Variants in ARMC9 observed in about 807,000 individuals in gnomAD.
ARMC9 encodes lisH domain-containing protein ARMC9.
Under a neutral mutation model 107.0 loss-of-function variants are expected in ARMC9, and 94 were observed. The observed-to-expected ratio is 0.88, with a 90% CI of 0.74 to 1.04. The LOEUF is 1.04. ARMC9 is among the 50% of genes least tolerant of loss of function. The pLI is 0.00. For synonymous variants in ARMC9, 380 were observed against 396.9 expected (o/e 0.96, Z 0.51); for missense variants, 942 against 1,030.1 (o/e 0.91, Z 1.17).
chr2:231,230,874 A>G (rs9973370), intron 7 of ARMC9, among the ~76,000 whole-genome samples: 64,030 of 152,054 alleles, frequency 0.42, 16,276 homozygotes, highest in African/African-American at 0.72. Context: ...AATATTTTCA[A>G]CCTGAGGTGG....
chr2:231,274,218 A>G (rs1486825147), intron 14 of ARMC9, among the ~76,000 whole-genome samples: 1 of 152,106 alleles, frequency 6.6e-6, no homozygotes, highest in Non-Finnish European at 1.5e-5. Context: ...CCCGGGTTCA[A>G]CCAATTCTCC....
intron 14 of ARMC9, among the ~76,000 whole-genome samples, chr2:231,274,969 C>T (rs2039636794): frequency 6.6e-6 from 1 of 151,952 alleles, no homozygotes; most frequent in Non-Finnish European, 1.5e-5. Flanking sequence ...ATGTTGATCG[C>T]TTTGGGGAAG....
chr2:231,306,832 A>C (rs1196109289), intron 19 of ARMC9, among the ~76,000 whole-genome samples: 2 of 152,182 alleles, frequency 1.3e-5, no homozygotes, highest in Non-Finnish European at 2.9e-5. Flanking sequence ...GGATCTGGGC[A>C]GTGAGTCTTG....
intron 20 of ARMC9, among the ~76,000 whole-genome samples, chr2:231,335,485 C>T (rs2044024936): frequency 6.6e-6 from 1 of 152,192 alleles, no homozygotes; most frequent in African/African-American, 2.4e-5. Flanking sequence ...CTAGTCCCCA[C>T]CCTCAAAGTC....
chr2:231,323,420 T>C (rs1055706170), intron 19 of ARMC9, among the ~76,000 whole-genome samples: 2 of 152,188 alleles, frequency 1.3e-5, no homozygotes, highest in Non-Finnish European at 2.9e-5. Context: ...TCTGCTTACA[T>C]TTCCCACCGC....
chr2:231,214,241 A>G (rs1303911853), intron 3 of ARMC9, among the ~76,000 whole-genome samples: 4 of 152,200 alleles, frequency 2.6e-5, no homozygotes, highest in Non-Finnish European at 5.9e-5. Flanking sequence ...GCAGGCGTGG[A>G]CAGTCACCTT....
chr2:231,289,247 A>G (rs562135921), intron 17 of ARMC9, among the ~76,000 whole-genome samples: 1 of 152,318 alleles, frequency 6.6e-6, no homozygotes, highest in South Asian at 2.1e-4. Flanking sequence ...TAGGAAGACT[A>G]CTTGAGCCCA....
rs555214023 is a variant in ARMC9, at chr2:231,230,858, T to C, written c.622+4060T>C. 3.3e-5 allele frequency among the ~76,000 whole-genome samples: 5 copies of C among 152,340 alleles called. No homozygotes were observed. In the South Asian group the frequency reaches 1.0e-3, roughly 32 times the overall value. On this transcript the variant is annotated intron_variant, in intron 7 of 24. Transcript: ENST00000611582. ...TATGTGTTCAGTACAGGTGCTTCTT[T>C]TCCCGAATATTTTCAACCTGAGGTG... is the stretch of plus-strand genomic sequence containing the variant.
rs922146908 is a variant in ARMC9, at chr2:231,216,466, G to A, written c.349-172G>A. On this transcript the variant is annotated intron_variant, in intron 4 of 24. Transcript: ENST00000611582. ...GATCTTCCTGACATAGTCTCATTAA[G>A]GGGGAAATTTAGGGTGGATGGTAGA... is the stretch of plus-strand genomic sequence containing the variant. Among the ~76,000 whole-genome samples the A allele has an allele frequency of 3.3e-5, 5 of 152,244 alleles. No homozygotes were observed. The South Asian group carries it at 1.0e-3, about 32-fold the overall frequency.
intron 7 of ARMC9, among the ~76,000 whole-genome samples, chr2:231,231,066 G>A (rs1434279714): frequency 6.6e-6 from 1 of 152,182 alleles, no homozygotes; most frequent in Non-Finnish European, 1.5e-5. Flanking sequence ...GGGTTCCCAA[G>A]GCAAAAGTTC....
At chr2:231,370,362 C>T (rs552217120) in intron 24 of ARMC9, among the ~76,000 whole-genome samples, 2 of 152,342 alleles carry the variant, frequency 1.3e-5, no homozygotes, top group South Asian at 2.1e-4. Flanking sequence ...GCCTCAGTGA[C>T]TCAAACTCAA....
In ARMC9 at chr2:231,325,761, G is replaced by A. The variant is rs113315877; in HGVS notation, c.1774-6032G>A. Among the ~76,000 whole-genome samples the A allele has an allele frequency of 3.5e-3, 536 of 152,266 alleles. 5 individuals carry two copies. The highest frequency in any genetic ancestry group is 0.012 in the African/African-American group (496 of 41,546). ...GCAACAACCTCAATCTTCCGTAACC[G>A]TCCCAGAGTTGACTTGGGGTAGGGC... On this transcript the variant is annotated intron_variant, in intron 19 of 24. Transcript: ENST00000611582.
chr2:231,323,558 A>G (rs1011332681), intron 19 of ARMC9, among the ~76,000 whole-genome samples: 7 of 152,114 alleles, frequency 4.6e-5, no homozygotes, highest in Non-Finnish European at 1.0e-4. Context: ...TCCCCTCCCA[A>G]GCCCTAAGGA....
intron 6 of ARMC9, among the ~76,000 whole-genome samples, chr2:231,226,367 T>A (rs180759548): frequency 1.7e-3 from 253 of 152,364 alleles, no homozygotes; most frequent in Admixed American, 4.1e-3. Flanking sequence ...TATGCTGTTT[T>A]CACCTCAATA....
intron 20 of ARMC9, among the ~76,000 whole-genome samples, chr2:231,339,741 G>A (rs2044378234): frequency 6.6e-6 from 1 of 152,268 alleles, no homozygotes; most frequent in South Asian, 2.1e-4. Context: ...AGACCAGCCT[G>A]GCCAACACGG....
At chr2:231,259,226 C>A in intron 11 of ARMC9, 124 bp downstream of exon 11, 1 of 839,806 alleles carries the variant, frequency 1.2e-6, no homozygotes, top group Non-Finnish European at 1.8e-6. Flanking sequence ...TGTCTGCTGA[C>A]ACCAAGAACG....
At chr2:231,248,524 G>A (rs2036980263) in intron 9 of ARMC9, among the ~76,000 whole-genome samples, 1 of 152,024 alleles carries the variant, frequency 6.6e-6, no homozygotes, top group South Asian at 2.1e-4. Flanking sequence ...TAAAAAGCTG[G>A]CAGGGCCGGA....
chr2:231,266,211 A>G (rs78532661), intron 12 of ARMC9, among the ~76,000 whole-genome samples: 19 of 152,284 alleles, frequency 1.2e-4, no homozygotes, highest in African/African-American at 4.6e-4. Context: ...TGGAGGTCTC[A>G]TTAAAACAGA....
At chr2:231,240,167 C>G (rs1189872537) in intron 9 of ARMC9, 126 bp downstream of exon 9, 1 of 772,338 alleles carries the variant, frequency 1.3e-6, no homozygotes. Context: ...CTTTTGAAGT[C>G]TAGAAACTCC....
Sources: allele counts gnomAD v4.1 joint callset (sites outside exome capture counted in the v4.1 genomes callset), GRCh38; gene constraint gnomAD v4.1.1; transcripts MANE v1.5; gene names NCBI Gene and HGNC (gene_info 2026-07-23, HGNC 2026-07-21).